The following SYT1 variants were observed in gnomAD, a reference collection of about 807,000 sequenced individuals.
SYT1 encodes the protein synaptotagmin-1.
A neutral mutation model predicts 44.8 loss-of-function variants in SYT1; 8 were observed. The observed-to-expected ratio is 0.18, with a 90% confidence interval of 0.10 to 0.32. SYT1 has a LOEUF of 0.32. Among genes scored for constraint, SYT1 ranks in the 10% least tolerant of loss-of-function variants. The pLI, the probability that SYT1 is intolerant of heterozygous loss-of-function variation, is 1.00. For missense variants in SYT1, 286 were observed against 509.3 expected, an observed-to-expected ratio of 0.56 and a Z score of 4.22; for synonymous variants, 154 against 188.8, an observed-to-expected ratio of 0.82 and a Z score of 1.51.
At chr12:78,957,781 G>A (rs1879288298) in intron 1 of SYT1, among the ~76,000 whole-genome samples, 1 of 151,840 alleles carries the variant, frequency 6.6e-6, no homozygotes, top group Non-Finnish European at 1.5e-5. Context: ...AATCTTGTAA[G>A]GTGTTTTCAA....
chr12:79,252,335 A>G (rs1055770849), intron 4 of SYT1, among the ~76,000 whole-genome samples: 23 of 152,178 alleles, frequency 1.5e-4, no homozygotes, highest in Non-Finnish European at 8.8e-5. Flanking sequence ...TATCATCATC[A>G]TCATCATCAT....
chr12:79,108,731 T>C (rs1321397371), intron 3 of SYT1, among the ~76,000 whole-genome samples: 2 of 152,208 alleles, frequency 1.3e-5, no homozygotes, highest in Non-Finnish European at 2.9e-5. Context: ...TTTATGTAAA[T>C]GCAGCAAGCT....
chr12:79,124,742 C>T (rs1400557958), intron 3 of SYT1, among the ~76,000 whole-genome samples: 1 of 151,990 alleles, frequency 6.6e-6, no homozygotes, highest in African/African-American at 2.4e-5. Context: ...GTGTATTGTA[C>T]ATATACAACA....
At chr12:79,296,341 A>G (rs1487180935) in intron 7 of SYT1, 105 bp downstream of exon 7, 2 of 1,187,348 alleles carry the variant, frequency 1.7e-6, no homozygotes, top group Non-Finnish European at 2.3e-6. Flanking sequence ...TTGTTCAGGC[A>G]CTCACAATAA....
At chr12:79,175,922 T>C (rs1871832707) in intron 3 of SYT1, among the ~76,000 whole-genome samples, 1 of 152,134 alleles carries the variant, frequency 6.6e-6, no homozygotes, top group Non-Finnish European at 1.5e-5. Flanking sequence ...ATTTTAATGT[T>C]AAAATAATTG....
intron 1 of SYT1, among the ~76,000 whole-genome samples, chr12:78,930,172 TCAC>T (rs1877556005): frequency 1.3e-5 from 2 of 152,140 alleles, no homozygotes; most frequent in Non-Finnish European, 2.9e-5. Context: ...TTTAATGTCT[TCAC>T]CACAAAAAAT....
chr12:78,904,221 A>G (rs17045911), intron 1 of SYT1, among the ~76,000 whole-genome samples: 4,196 of 152,186 alleles, frequency 0.028, 193 homozygotes, highest in African/African-American at 0.096. Flanking sequence ...ATGTTTTCCT[A>G]TAAATATTTG....
At chr12:79,225,120 GA>G (rs200287362) in intron 4 of SYT1, among the ~76,000 whole-genome samples, 1,374 of 129,242 alleles carry the variant, frequency 0.011, 10 homozygotes, top group African/African-American at 0.029. Context: ...TGCTACAGTG[GA>G]AAAAAAAAAA....
intron 1 of SYT1, among the ~76,000 whole-genome samples, chr12:78,898,668 C>A (rs538617414): frequency 6.6e-6 from 1 of 152,076 alleles, no homozygotes; most frequent in Admixed American, 6.6e-5. Context: ...AGACAGCCAG[C>A]AGGTTCTGCC....
intron 4 of SYT1, among the ~76,000 whole-genome samples, chr12:79,264,053 G>C (rs555902549): frequency 6.6e-6 from 1 of 152,202 alleles, no homozygotes; most frequent in South Asian, 2.1e-4. Flanking sequence ...ACAGTTCAAA[G>C]AAGTAAGCTT....
chr12:78,942,891 A>G (rs913206396), intron 1 of SYT1, among the ~76,000 whole-genome samples: 1 of 152,070 alleles, frequency 6.6e-6, no homozygotes, highest in East Asian at 1.9e-4. Context: ...TCTCAAAGTC[A>G]TGTCACCCAA....
intron 2 of SYT1, among the ~76,000 whole-genome samples, chr12:79,008,498 G>C (rs1871227984): frequency 6.6e-6 from 1 of 152,122 alleles, no homozygotes; most frequent in African/African-American, 2.4e-5. Flanking sequence ...CTATTGGGTA[G>C]CATATTGACT....
At chr12:78,897,187 A>T (rs1442412488) in intron 1 of SYT1, among the ~76,000 whole-genome samples, 2 of 151,914 alleles carry the variant, frequency 1.3e-5, no homozygotes, top group Admixed American at 6.6e-5. Flanking sequence ...TGTCATAAGT[A>T]GCTTTTATAC....
At chr12:79,007,074 G>T (rs1162282326) in intron 2 of SYT1, among the ~76,000 whole-genome samples, 3 of 151,996 alleles carry the variant, frequency 2.0e-5, no homozygotes, top group Non-Finnish European at 2.9e-5. Flanking sequence ...CAGTTACCTT[G>T]TTGGCCATTT....
intron 8 of SYT1, among the ~76,000 whole-genome samples, chr12:79,316,250 A>G (rs1881079211): frequency 6.6e-6 from 1 of 152,214 alleles, no homozygotes; most frequent in Non-Finnish European, 1.5e-5. Flanking sequence ...TTTGAACTAT[A>G]TACCATGGAA....
intron 2 of SYT1, among the ~76,000 whole-genome samples, chr12:78,981,789 A>C (rs1869283188): frequency 1.3e-5 from 2 of 152,224 alleles, no homozygotes; most frequent in Admixed American, 1.3e-4. Context: ...AGCACTATGC[A>C]AATTTTGTTA....
At chr12:79,447,809 C>T (rs1870819581) in intron 10 of SYT1, among the ~76,000 whole-genome samples, 1 of 152,126 alleles carries the variant, frequency 6.6e-6, no homozygotes, top group Non-Finnish European at 1.5e-5. Flanking sequence ...TTTCTCTGCT[C>T]TGAAGCTGTA....
intron 3 of SYT1, among the ~76,000 whole-genome samples, chr12:79,104,155 ATT>A (rs199824840): frequency 1.4e-5 from 2 of 146,278 alleles, no homozygotes; most frequent in Non-Finnish European, 1.5e-5. Context: ...AATGGAGTCA[ATT>A]TTTTTTTTTT....
chr12:78,967,667 G>A (rs914439644), intron 1 of SYT1, among the ~76,000 whole-genome samples: 1 of 152,150 alleles, frequency 6.6e-6, no homozygotes, highest in African/African-American at 2.4e-5. Context: ...AGCCATCTAT[G>A]AGCAGATAGC....
Sources: gnomAD v4.1 joint callset for allele counts (sites outside exome capture counted in the v4.1 genomes callset) on GRCh38, gnomAD v4.1.1 for gene constraint, MANE v1.5 for transcripts, NCBI Gene and HGNC (gene_info 2026-07-23, HGNC 2026-07-21) for gene names.